The following PLXDC2 variants were observed in gnomAD, a reference collection of about 807,000 sequenced individuals.
PLXDC2 encodes the protein plexin domain-containing protein 2.
In PLXDC2, 40 loss-of-function variants were observed where a neutral mutation model predicts 68.9. The observed-to-expected ratio is 0.58, with a 90% CI of 0.45 to 0.76. PLXDC2 has a LOEUF of 0.76. PLXDC2 is among the 30% of genes least tolerant of loss of function. The probability of loss-of-function intolerance (pLI) is 0.00; values close to 1 mark genes in which losing one functional copy is unlikely to be tolerated. For synonymous variants in PLXDC2, 243 were observed against 234.2 expected, an observed-to-expected ratio of 1.04 and a Z score of -0.34; for missense variants, 644 against 661.9, an observed-to-expected ratio of 0.97 and a Z score of 0.30.
chr10:20,012,828 A>G (rs1268117945), intron 2 of PLXDC2, among the ~76,000 whole-genome samples: 2 of 152,236 alleles, frequency 1.3e-5, no homozygotes, highest in Non-Finnish European at 2.9e-5. Flanking sequence ...GAAAGAAAAC[A>G]CTTCTGTTCA....
At chr10:20,154,365 G>C (rs1834190828) in intron 6 of PLXDC2, among the ~76,000 whole-genome samples, 1 of 152,150 alleles carries the variant, frequency 6.6e-6, no homozygotes. Flanking sequence ...AGGAGTTGGA[G>C]ACCAGCCTGG....
chr10:19,884,071 T>C (rs1210376574), intron 1 of PLXDC2, among the ~76,000 whole-genome samples: 1 of 150,252 alleles, frequency 6.7e-6, no homozygotes, highest in Non-Finnish European at 1.5e-5. Context: ...TTTGTATTTT[T>C]TTTTTTGTAG....
At chr10:20,072,424 G>GAAAGAA in intron 4 of PLXDC2, among the ~76,000 whole-genome samples, 1 of 130,338 alleles carries the variant, frequency 7.7e-6, no homozygotes, top group African/African-American at 3.0e-5. Context: ...GAAAGAAAGA[G>GAAAGAA]AGAAAGAAAG....
chr10:20,233,247 C>T (rs1261619117), intron 12 of PLXDC2, among the ~76,000 whole-genome samples: 15 of 151,800 alleles, frequency 9.9e-5, no homozygotes, highest in African/African-American at 3.4e-4. Flanking sequence ...ATTTGCTGGC[C>T]GGGCACGGTG....
chr10:20,226,715 A>T (rs1003245439), intron 12 of PLXDC2, among the ~76,000 whole-genome samples: 1 of 152,208 alleles, frequency 6.6e-6, no homozygotes, highest in African/African-American at 2.4e-5. Context: ...GCCTCTTAGG[A>T]AATGCACACA....
chr10:20,214,615 A>G (rs954139327), intron 10 of PLXDC2, among the ~76,000 whole-genome samples: 7 of 152,190 alleles, frequency 4.6e-5, no homozygotes, highest in African/African-American at 1.7e-4. Context: ...AGGGGAATAA[A>G]CAATGGAAAG....
At chr10:20,140,751 C>T (rs1013598782) in intron 4 of PLXDC2, among the ~76,000 whole-genome samples, 8 of 151,856 alleles carry the variant, frequency 5.3e-5, no homozygotes, top group East Asian at 1.9e-4. Context: ...TAGAAACTGA[C>T]GTGAGATATT....
intron 6 of PLXDC2, among the ~76,000 whole-genome samples, chr10:20,154,432 T>G (rs12414818): frequency 6.6e-6 from 1 of 151,796 alleles, no homozygotes; most frequent in Admixed American, 6.6e-5. Context: ...GGCATGGTGG[T>G]GCACGCCTGT....
chr10:20,203,523 C>T (rs1834949161), intron 9 of PLXDC2, among the ~76,000 whole-genome samples: 1 of 151,862 alleles, frequency 6.6e-6, no homozygotes. Flanking sequence ...GCTACTCAGG[C>T]TGGTCTTGAA....
Position 20,086,807 on chromosome 10 carries a change from C to T in PLXDC2, c.541+18568C>T, listed in dbSNP as rs562398409. ...TCCTTGAAAAATCAAGCCTGTAGCA[C>T]GCCTAAGCAGTTAACTTCAAAAAAG... is the stretch of plus-strand genomic sequence containing the variant. On this transcript the variant is annotated intron_variant, in intron 4 of 13. Coordinates refer to ENST00000377252, the MANE Select transcript of PLXDC2 (RefSeq NM_032812.9). Among the ~76,000 whole-genome samples, 397 of 152,262 alleles carry T rather than the reference C, an allele frequency of 2.6e-3. 1 individual carries two copies. The highest frequency in any genetic ancestry group is 3.9e-3 in the Admixed American group (59 of 15,294).
intron 9 of PLXDC2, among the ~76,000 whole-genome samples, chr10:20,201,999 T>C (rs1834926940): frequency 6.6e-6 from 1 of 152,190 alleles, no homozygotes; most frequent in Non-Finnish European, 1.5e-5. Flanking sequence ...TGGTTATTTT[T>C]AAAACCAGCC....
intron 9 of PLXDC2, among the ~76,000 whole-genome samples, chr10:20,184,998 G>A (rs1322954762): frequency 6.6e-6 from 1 of 151,616 alleles, no homozygotes; most frequent in Non-Finnish European, 1.5e-5. Flanking sequence ...GGACCCGTCA[G>A]GGGATGGGAG....
At chr10:19,926,641 C>T (rs1291052329) in intron 1 of PLXDC2, among the ~76,000 whole-genome samples, 1 of 152,082 alleles carries the variant, frequency 6.6e-6, no homozygotes, top group Non-Finnish European at 1.5e-5. Flanking sequence ...TGTGGGGAGA[C>T]ATTGGCTGTG....
At chr10:20,267,595 C>T (rs1007540076) in intron 13 of PLXDC2, among the ~76,000 whole-genome samples, 3 of 152,096 alleles carry the variant, frequency 2.0e-5, no homozygotes, top group Non-Finnish European at 4.4e-5. Flanking sequence ...AAACACCAGT[C>T]GGTTTCAGGC....
At chr10:20,032,900 G>A (rs1025831721) in intron 2 of PLXDC2, among the ~76,000 whole-genome samples, 1 of 151,626 alleles carries the variant, frequency 6.6e-6, no homozygotes, top group African/African-American at 2.4e-5. Flanking sequence ...CCCAGTTTTT[G>A]TAAATACGTG....
chr10:20,046,165 T>A (rs1364557554), intron 2 of PLXDC2, among the ~76,000 whole-genome samples: 1 of 152,126 alleles, frequency 6.6e-6, no homozygotes, highest in Non-Finnish European at 1.5e-5. Flanking sequence ...GTAATTATAC[T>A]TTAGGTTTTT....
At chr10:20,272,828 A>C (rs1271306729) in intron 13 of PLXDC2, among the ~76,000 whole-genome samples, 1 of 152,218 alleles carries the variant, frequency 6.6e-6, no homozygotes, top group African/African-American at 2.4e-5. Context: ...ATAATAAATA[A>C]GCTTCAAGTT....
intron 13 of PLXDC2, among the ~76,000 whole-genome samples, chr10:20,279,089 T>G (rs1836047264): frequency 6.6e-6 from 1 of 152,204 alleles, no homozygotes; most frequent in Non-Finnish European, 1.5e-5. Flanking sequence ...CCTCTGATAA[T>G]AGATTCCATT....
At chr10:20,238,677 G>GTA (rs10633613) in intron 12 of PLXDC2, among the ~76,000 whole-genome samples, 2,019 of 75,664 alleles carry the variant, frequency 0.027, 160 homozygotes, top group African/African-American at 0.065. Flanking sequence ...ATATATATAT[G>GTA]TATATATATA....
Sources: gnomAD v4.1 joint callset for allele counts (sites outside exome capture counted in the v4.1 genomes callset) on GRCh38, gnomAD v4.1.1 for gene constraint, MANE v1.5 for transcripts, NCBI Gene and HGNC (gene_info 2026-07-23, HGNC 2026-07-21) for gene names.